KCNN2: variants seen among roughly 807,000 people sequenced by gnomAD.
KCNN2 encodes the protein potassium calcium-activated channel subfamily N member 2.
A neutral mutation model predicts 55.5 loss-of-function variants in KCNN2; 24 were observed. The ratio of observed to expected loss-of-function variants is 0.43; its 90% CI spans 0.31 to 0.61. KCNN2 has a LOEUF of 0.61. Among genes scored for constraint, KCNN2 ranks in the 20% least tolerant of loss-of-function variants. The pLI is 0.08. For missense variants in KCNN2, 754 were observed against 853.6 expected (o/e 0.88, Z 1.45); for synonymous variants, 431 against 336.1 (o/e 1.28, Z -3.09).
At chr5:114,119,721 T>G (rs1209767291) in intron 1 of KCNN2, among the ~76,000 whole-genome samples, 1 of 152,180 alleles carries the variant, frequency 6.6e-6, no homozygotes, top group Non-Finnish European at 1.5e-5. Flanking sequence ...CAGAGTCCTC[T>G]CCACCTGCTC....
rs568892438 is a variant in KCNN2 at position 114,123,521 on chromosome 5, C to T, written c.-271+67021C>T. Among the ~76,000 whole-genome samples, 4 of 119,828 alleles carry T rather than the reference C, an allele frequency of 3.3e-5. 2 individuals are homozygous for T. Among genetic ancestry groups the T allele is most frequent in the African/African-American group, 1.5e-4 (4 of 26,702 alleles). 78.6% of individuals were successfully genotyped at this position (119,828 alleles called of 152,430 possible). A position where few individuals can be genotyped will look rare whatever the true frequency, so the allele number is the denominator to read the frequency against. On this transcript the variant is annotated intron_variant, in intron 1 of 10. Coordinates refer to the KCNN2 transcript ENST00000512097. ...GGGACTACAGGCGCCCGCCACCACG[C>T]CCGGCTAATTTTTTGTGTTTTTTAG...
At chr5:114,163,533 C>G (rs1375372453) in intron 1 of KCNN2, among the ~76,000 whole-genome samples, 1 of 152,202 alleles carries the variant, frequency 6.6e-6, no homozygotes, top group Non-Finnish European at 1.5e-5. Context: ...TTTTCTGCAT[C>G]TATTGAGATC....
At chr5:114,120,723 A>C (rs1285842509) in intron 1 of KCNN2, among the ~76,000 whole-genome samples, 2 of 152,236 alleles carry the variant, frequency 1.3e-5, no homozygotes, top group Non-Finnish European at 2.9e-5. Context: ...TCTAGGCTTT[A>C]GTATCATCAA....
chr5:114,372,261 C>A (rs1249149329), intron 2 of KCNN2, among the ~76,000 whole-genome samples: 4 of 152,120 alleles, frequency 2.6e-5, no homozygotes, highest in Non-Finnish European at 2.9e-5. Flanking sequence ...TTTGTGCTAG[C>A]TGTGAGTTTG....
At chr5:114,347,090 T>C (rs1234237433) in intron 2 of KCNN2, among the ~76,000 whole-genome samples, 1 of 152,230 alleles carries the variant, frequency 6.6e-6, no homozygotes, top group Non-Finnish European at 1.5e-5. Context: ...GACATGTCTT[T>C]CTTAAAATAT....
At chr5:114,163,955 C>T (rs1752854130) in intron 1 of KCNN2, among the ~76,000 whole-genome samples, 1 of 151,816 alleles carries the variant, frequency 6.6e-6, no homozygotes, top group Admixed American at 6.6e-5. Context: ...TTATATTAGT[C>T]ATGGGTGTAG....
chr5:114,057,445 T>C (rs1248099785), intron 1 of KCNN2, among the ~76,000 whole-genome samples: 1 of 152,180 alleles, frequency 6.6e-6, no homozygotes, highest in African/African-American at 2.4e-5. Flanking sequence ...AGATTGAAGC[T>C]CAGCATCTGA....
At chr5:114,376,686 TTGA>T (rs1327232589) in intron 2 of KCNN2, among the ~76,000 whole-genome samples, 1 of 152,224 alleles carries the variant, frequency 6.6e-6, no homozygotes, top group East Asian at 1.9e-4. Context: ...GTCCAAGCTA[TTGA>T]TGATTTTTAA....
intron 1 of KCNN2, among the ~76,000 whole-genome samples, chr5:114,086,703 T>G (rs1561469472): frequency 6.6e-6 from 1 of 152,124 alleles, no homozygotes; most frequent in Non-Finnish European, 1.5e-5. Context: ...CTAGGTTGAT[T>G]CCATGTCTTT....
At chr5:114,252,434 C>T (rs1054780302) in intron 2 of KCNN2, among the ~76,000 whole-genome samples, 1 of 152,112 alleles carries the variant, frequency 6.6e-6, no homozygotes, top group African/African-American at 2.4e-5. Flanking sequence ...GGAATACCTA[C>T]CACATTCCAG....
intron 2 of KCNN2, among the ~76,000 whole-genome samples, chr5:114,387,522 T>G (rs1323020159): frequency 8.1e-6 from 1 of 123,606 alleles, no homozygotes; most frequent in Non-Finnish European, 1.7e-5. Context: ...AGAAAAAAAT[T>G]TAAAAACTGC....
intron 2 of KCNN2, among the ~76,000 whole-genome samples, chr5:114,332,943 T>G (rs976439227): frequency 2.4e-4 from 36 of 152,270 alleles, no homozygotes; most frequent in Admixed American, 4.6e-4. Context: ...ACCTAATTCC[T>G]CCTTGGAGAA....
rs1426061198 is a variant in KCNN2, at chr5:114,192,222, C to A, written c.-270-29258C>A. Among the ~76,000 whole-genome samples, 3 of 152,128 alleles carry A rather than the reference C, an allele frequency of 2.0e-5. No homozygotes were observed. In the East Asian group the frequency reaches 5.8e-4, roughly 29 times the overall value. ...TGATACTCACATTCCGTGTCTACCT[C>A]CTTGAGGGCTTACCCACATCACGTG... On this transcript the variant is annotated intron_variant, in intron 1 of 10. Coordinates refer to the KCNN2 transcript ENST00000512097.
intron 3 of KCNN2, among the ~76,000 whole-genome samples, chr5:114,420,392 G>A (rs1001513708): frequency 6.6e-6 from 1 of 152,230 alleles, no homozygotes; most frequent in East Asian, 1.9e-4. Flanking sequence ...GTGGAGTACT[G>A]TAATGAAATA....
At chr5:114,380,089 T>G (rs1046271826) in intron 2 of KCNN2, among the ~76,000 whole-genome samples, 6 of 152,058 alleles carry the variant, frequency 3.9e-5, no homozygotes, top group Admixed American at 3.3e-4. Context: ...AAGCAACAGT[T>G]TCCATGAGAT....
chr5:114,179,561 A>G (rs767823340), intron 1 of KCNN2, among the ~76,000 whole-genome samples: 1 of 152,214 alleles, frequency 6.6e-6, no homozygotes, highest in Non-Finnish European at 1.5e-5. Context: ...TGCTCCTTTC[A>G]TTATACTCTC....
At chr5:114,147,921 A>G (rs866600878) in intron 1 of KCNN2, among the ~76,000 whole-genome samples, 1 of 152,186 alleles carries the variant, frequency 6.6e-6, no homozygotes, top group South Asian at 2.1e-4. Context: ...GGCAACAGCT[A>G]ATTTTAAAGA....
At chr5:114,110,205 T>C (rs1240098572) in intron 1 of KCNN2, among the ~76,000 whole-genome samples, 1 of 152,046 alleles carries the variant, frequency 6.6e-6, no homozygotes, top group Non-Finnish European at 1.5e-5. Context: ...TATTTTGTTG[T>C]ATCAGCACAA....
chr5:114,172,524 G>C (rs1184208651), intron 1 of KCNN2, among the ~76,000 whole-genome samples: 2 of 151,096 alleles, frequency 1.3e-5, no homozygotes, highest in Non-Finnish European at 3.0e-5. Flanking sequence ...CATTTACTGT[G>C]TGTGGGAGAG....
Sources: allele counts gnomAD v4.1 joint callset (sites outside exome capture counted in the v4.1 genomes callset), GRCh38; gene constraint gnomAD v4.1.1; transcripts MANE v1.5; gene names NCBI Gene and HGNC (gene_info 2026-07-23, HGNC 2026-07-21).